The following DIAPH3 variants were observed in gnomAD, a reference collection of about 807,000 sequenced individuals.
DIAPH3 encodes the protein protein diaphanous homolog 3.
A neutral mutation model predicts 144.3 loss-of-function variants in DIAPH3; 117 were observed. The observed-to-expected ratio is 0.81, with a 90% confidence interval of 0.70 to 0.95. DIAPH3 has a LOEUF of 0.95. Among genes scored for constraint, DIAPH3 ranks in the 40% least tolerant of loss-of-function variants. The probability of loss-of-function intolerance (pLI) is 0.00; values close to 1 mark genes in which losing one functional copy is unlikely to be tolerated. For missense variants in DIAPH3, 1,421 were observed against 1,412.7 expected (o/e 1.01, Z -0.09); for synonymous variants, 519 against 488.9 (o/e 1.06, Z -0.81).
chr13:59,943,469 C>T (rs544656584), intron 17 of DIAPH3, among the ~76,000 whole-genome samples: 1 of 152,278 alleles, frequency 6.6e-6, no homozygotes, highest in South Asian at 2.1e-4. Flanking sequence ...TAATAGCTCT[C>T]AATATGGAGC....
At chr13:59,965,856 G>A (rs2050018054) in intron 17 of DIAPH3, among the ~76,000 whole-genome samples, 1 of 152,068 alleles carries the variant, frequency 6.6e-6, no homozygotes. Flanking sequence ...CAAGCATGAG[G>A]CACAACATGC....
At chr13:59,973,215 G>A (rs150338953) in intron 15 of DIAPH3, among the ~76,000 whole-genome samples, 267 of 152,142 alleles carry the variant, frequency 1.8e-3, no homozygotes, top group African/African-American at 6.0e-3. Context: ...TGGTGGATAC[G>A]TTTTTTATAA....
At chr13:59,794,505 C>A in intron 25 of DIAPH3, among the ~76,000 whole-genome samples, 1 of 150,708 alleles carries the variant, frequency 6.6e-6, no homozygotes, top group South Asian at 2.2e-4. Flanking sequence ...AATTTCAAAT[C>A]TTCTTTAGTG....
At chr13:59,876,048 T>C (rs1191304429) in intron 21 of DIAPH3, among the ~76,000 whole-genome samples, 1 of 152,196 alleles carries the variant, frequency 6.6e-6, no homozygotes, top group Non-Finnish European at 1.5e-5. Flanking sequence ...AAAGTAAGGA[T>C]TTTGGATATA....
intron 24 of DIAPH3, among the ~76,000 whole-genome samples, chr13:59,826,277 A>T: frequency 1.2e-5 from 1 of 86,850 alleles, no homozygotes; most frequent in Non-Finnish European, 2.6e-5. Context: ...TATATCTAGA[A>T]AACCCCATCG....
chr13:60,046,194 C>A (rs1241679576), intron 4 of DIAPH3, among the ~76,000 whole-genome samples: 1 of 152,206 alleles, frequency 6.6e-6, no homozygotes, highest in Non-Finnish European at 1.5e-5. Context: ...AAAGTCCTTA[C>A]AGCTACATCC....
At position 60,093,876 on chromosome 13, in the gene DIAPH3, G is replaced by A. The variant is rs569352113; in HGVS notation, c.391-144C>T. ...GATTTACGTGTAGTTCTGCCTGAAG[G>A]AAGGAGAGAGAAAAGAGGTGGAGAG... On this transcript the variant is annotated intron_variant, in intron 3 of 27. Transcript: ENST00000400324. 90 of 642,914 alleles carry A rather than the reference G, an allele frequency of 1.4e-4. 1 individual carries two copies. The highest frequency in any genetic ancestry group is 4.2e-4 in the Middle Eastern group (1 of 2,386). 39.8% of individuals were successfully genotyped at this position (642,914 alleles called of 1,614,324 possible).
chr13:60,019,964 G>A (rs1188052287), intron 5 of DIAPH3, among the ~76,000 whole-genome samples: 3 of 151,702 alleles, frequency 2.0e-5, no homozygotes, highest in East Asian at 3.9e-4. Context: ...TCGTAGAAAG[G>A]GAAAGACAAA....
chr13:59,952,787 A>G (rs2049168769), intron 17 of DIAPH3, among the ~76,000 whole-genome samples: 1 of 151,062 alleles, frequency 6.6e-6, no homozygotes, highest in Non-Finnish European at 1.5e-5. Flanking sequence ...ATGAAAAAAG[A>G]CAGTTTGCTT....
At chr13:59,829,024 A>T (rs1214381536) in intron 24 of DIAPH3, among the ~76,000 whole-genome samples, 2 of 151,936 alleles carry the variant, frequency 1.3e-5, no homozygotes, top group Non-Finnish European at 2.9e-5. Flanking sequence ...AGCAGTCTGG[A>T]ACAGATATTC....
At chr13:59,710,100 T>TG (rs1358518080) in intron 27 of DIAPH3, among the ~76,000 whole-genome samples, 1 of 144,406 alleles carries the variant, frequency 6.9e-6, no homozygotes. Flanking sequence ...TGTTGTGGGG[T>TG]GGGGGTAAGG....
intron 3 of DIAPH3, among the ~76,000 whole-genome samples, chr13:60,094,518 G>C (rs1259504295): frequency 1.3e-5 from 2 of 152,150 alleles, no homozygotes; most frequent in Middle Eastern, 3.2e-3. Flanking sequence ...AGACAGAAAT[G>C]GCTAAAGGAG....
intron 27 of DIAPH3, among the ~76,000 whole-genome samples, chr13:59,714,359 C>CAA (rs398022997): frequency 3.3e-5 from 3 of 90,102 alleles, no homozygotes; most frequent in African/African-American, 1.3e-4. Flanking sequence ...GACTCCGTCT[C>CAA]AAAAAAAAAA....
At chr13:60,150,934 G>A (rs908357875) in intron 1 of DIAPH3, among the ~76,000 whole-genome samples, 1 of 152,138 alleles carries the variant, frequency 6.6e-6, no homozygotes, top group Non-Finnish European at 1.5e-5. Flanking sequence ...ACAGCAGGAG[G>A]CAGACAGAGA....
intron 1 of DIAPH3, among the ~76,000 whole-genome samples, chr13:60,150,040 G>A (rs977417068): frequency 6.6e-6 from 1 of 151,928 alleles, no homozygotes; most frequent in Non-Finnish European, 1.5e-5. Flanking sequence ...TTTATTTTTT[G>A]AGACAGGATC....
chr13:60,028,936 G>A (rs2054582864), intron 5 of DIAPH3, among the ~76,000 whole-genome samples: 2 of 151,948 alleles, frequency 1.3e-5, no homozygotes, highest in African/African-American at 4.8e-5. Flanking sequence ...GCATGCGCCT[G>A]TAGTCCCAGC....
chr13:59,704,699 A>G (rs1414459082), intron 27 of DIAPH3, among the ~76,000 whole-genome samples: 5 of 152,208 alleles, frequency 3.3e-5, no homozygotes, highest in African/African-American at 9.6e-5. Flanking sequence ...GCATAGTAAC[A>G]TGTTGTGCAG....
chr13:59,719,928 G>T (rs560436951), intron 27 of DIAPH3, among the ~76,000 whole-genome samples: 14 of 152,194 alleles, frequency 9.2e-5, no homozygotes, highest in Admixed American at 5.9e-4. Context: ...ATAACTTGAG[G>T]GTTCTCTCCT....
At chr13:59,866,289 G>T (rs1428884236) in intron 21 of DIAPH3, among the ~76,000 whole-genome samples, 1 of 151,990 alleles carries the variant, frequency 6.6e-6, no homozygotes. Flanking sequence ...GAAATTTAGA[G>T]AGATCATATA....
Sources: allele counts gnomAD v4.1 joint callset (sites outside exome capture counted in the v4.1 genomes callset), GRCh38; gene constraint gnomAD v4.1.1; transcripts MANE v1.5; gene names NCBI Gene and HGNC (gene_info 2026-07-23, HGNC 2026-07-21).